Variants in TSPAN3 observed in about 807,000 individuals in gnomAD.
TSPAN3 encodes the protein tetraspanin 3.
A neutral mutation model predicts 31.1 loss-of-function variants in TSPAN3; 9 were observed. The ratio of observed to expected loss-of-function variants is 0.29; its 90% confidence interval spans 0.17 to 0.50. TSPAN3 has a LOEUF of 0.50. Among genes scored for constraint, TSPAN3 ranks in the 20% least tolerant of loss-of-function variants. TSPAN3 has a pLI of 0.98. For synonymous variants in TSPAN3, 129 were observed against 114.3 expected (o/e 1.13, Z -0.82); for missense variants, 252 against 313.5 (o/e 0.80, Z 1.48).
Position 77,046,560 on chromosome 15 carries a change from T to C in TSPAN3, c.*275A>G. On this transcript the variant is annotated 3_prime_UTR_variant, in exon 7 of 7. Transcript: ENST00000267970. The stretch of plus-strand genomic sequence containing the variant: ...AAGCAGGCTCGTGTCCTCCTTTAAT[T>C]CTACCACACTACATGACTCGCAATT... 1 of 475,484 alleles carries C rather than the reference T, an allele frequency of 2.1e-6. No homozygotes were observed. The highest frequency in any genetic ancestry group is 3.7e-6 in the Non-Finnish European group (1 of 269,996). The allele number at this position is 475,484 out of a possible 1,614,324, so 29.5% of individuals were successfully genotyped here. A position where few individuals can be genotyped will look rare whatever the true frequency, so the allele number is the denominator to read the frequency against.
intron 1 of TSPAN3, among the ~76,000 whole-genome samples, chr15:77,069,602 C>A (rs1486990417): frequency 6.6e-6 from 1 of 152,170 alleles, no homozygotes; most frequent in Non-Finnish European, 1.5e-5. Context: ...CACACAAACG[C>A]CCCGAAGGAC....
At position 77,052,804 on chromosome 15, in the gene TSPAN3, C is replaced by T; in HGVS notation, c.558G>A (p.Leu186=). 2 of 1,614,108 alleles carry T rather than the reference C, an allele frequency of 1.2e-6. No homozygotes were observed. The highest frequency in any genetic ancestry group is 1.7e-6 in the Non-Finnish European group (2 of 1,180,022). The stretch of plus-strand genomic sequence containing the variant: ...CAGCATAGAGGTCGGAAGGGTGGGC[C>T]AGGCTGCCATTACAATTGCTGGCAG... ...RETASNCNGS[L]AHPSDLYAEG... The change falls in exon 5 of 7, where the codon CTG becomes CTA. Residue 186 remains leucine, a synonymous_variant. Transcript: ENST00000267970.
chr15:77,050,738 A>G (rs1180485216), intron 6 of TSPAN3, among the ~76,000 whole-genome samples: 1 of 152,202 alleles, frequency 6.6e-6, no homozygotes, highest in Non-Finnish European at 1.5e-5. Context: ...TTTTAGCTAA[A>G]TGAATGTGTT....
In TSPAN3 at chr15:77,042,639, G is replaced by A. The variant is rs953335696; in HGVS notation, c.*4196C>T. On this transcript the variant is annotated 3_prime_UTR_variant, in exon 7 of 7. Coordinates refer to ENST00000267970, the MANE Select transcript of TSPAN3 (RefSeq NM_005724.6). ...AGTGGATATATGAAAATAAATGAAG[G>A]AGAAGGGAGGGATGACTGGCAAATG... The A allele has an allele frequency of 2.4e-4, 36 of 152,150 alleles. No individual in the cohort carries two copies. The highest frequency in any genetic ancestry group is 8.7e-4 in the African/African-American group (36 of 41,426). The allele number at this position is 152,150 out of a possible 1,614,324, so 9.4% of individuals were successfully genotyped here. A position where few individuals can be genotyped will look rare whatever the true frequency, so the allele number is the denominator to read the frequency against.
In TSPAN3 at chr15:77,053,451, C is replaced by CAAAACAAAA. The variant is rs2076745037; in HGVS notation, c.433-523_433-522insTTTTGTTTT. Among the ~76,000 whole-genome samples, 4 of 50,382 alleles carry CAAAACAAAA rather than the reference C, an allele frequency of 7.9e-5. No homozygotes were observed. In the East Asian group the frequency reaches 1.9e-3, roughly 24 times the overall value. The allele number at this position is 50,382 out of a possible 152,430, so 33.1% of individuals were successfully genotyped here. The stretch of plus-strand genomic sequence containing the variant: ...CAACAAGAGTGAAATTTCGCCATCT[C>CAAAACAAAA]AAAAAAAAAAAAAAAAAAAAAAAAA... On this transcript the variant is annotated intron_variant, in intron 4 of 6. Coordinates refer to ENST00000267970, the MANE Select transcript of TSPAN3 (RefSeq NM_005724.6).
rs1444556058 is a variant in TSPAN3 at position 77,054,193 on chromosome 15, A to C, written c.417T>G (p.Asp139Glu). The C allele has an allele frequency of 1.2e-6, 2 of 1,613,940 alleles. No individual in the cohort carries two copies. The highest frequency in any genetic ancestry group is 1.1e-5 in the South Asian group (1 of 91,068). Reference protein sequence around the residue: ...TNPDAASRAIDYVQRQLHCCG... With the variant: ...TNPDAASRAIEYVQRQLHCCG... ...GAAAGCTCACCTGTCTCTGTACATA[A>C]TCAATAGCCCGGCTAGCAGCATCAG... Residue 139 changes from aspartate (D) to glutamate (E), a missense_variant, in exon 4 of 7, where the codon GAT (aspartate) becomes GAG (glutamate). Asp to Glu is a conservative substitution (Grantham distance 45). Transcript: ENST00000267970.
intron 1 of TSPAN3, among the ~76,000 whole-genome samples, chr15:77,062,384 A>G: frequency 6.6e-6 from 1 of 152,216 alleles, no homozygotes; most frequent in East Asian, 1.9e-4. Flanking sequence ...TAAGTCCACT[A>G]CCTGAATATA....
chr15:77,046,661 G>T lies in TSPAN3; in HGVS notation c.*174C>A. ...AAGAGTCAGCTAGAACAAGGAAAAA[G>T]AAAGTCGCAGGTAGTAGGTAAGTAG... is the stretch of plus-strand genomic sequence containing the variant. On this transcript the variant is annotated 3_prime_UTR_variant, in exon 7 of 7. Transcript: ENST00000267970. 1.8e-6 allele frequency: 1 copy of T among 566,382 alleles called. No homozygotes were observed. 35.1% of individuals were successfully genotyped at this position (566,382 alleles called of 1,614,324 possible).
At chr15:77,059,992 A>G (rs986624012) in intron 1 of TSPAN3, among the ~76,000 whole-genome samples, 7 of 152,192 alleles carry the variant, frequency 4.6e-5, no homozygotes, top group African/African-American at 1.7e-4. Flanking sequence ...AAGCAGAAAA[A>G]CCAGCAACAG....
At chr15:77,050,102 A>T (rs2076720721) in intron 6 of TSPAN3, among the ~76,000 whole-genome samples, 1 of 152,238 alleles carries the variant, frequency 6.6e-6, no homozygotes, top group African/African-American at 2.4e-5. Flanking sequence ...TATTAGGATC[A>T]GTGTATAAGC....
chr15:77,055,925 G>T (rs1306031180), intron 2 of TSPAN3, 62 bp from the exon 3 acceptor site: 2 of 1,540,152 alleles, frequency 1.3e-6, no homozygotes, highest in East Asian at 2.2e-5. Flanking sequence ...ATACACTCTT[G>T]ATTTAAAAAA....
chr15:77,065,338 C>T (rs1035904902), intron 1 of TSPAN3, among the ~76,000 whole-genome samples: 1 of 152,132 alleles, frequency 6.6e-6, no homozygotes, highest in African/African-American at 2.4e-5. Context: ...AATATAAGCA[C>T]AAAGTAGGTG....
chr15:77,053,451 C>CAAAACAA (rs2076745037), intron 4 of TSPAN3, among the ~76,000 whole-genome samples: 1 of 50,378 alleles, frequency 2.0e-5, no homozygotes, highest in East Asian at 6.4e-4. Context: ...TTCGCCATCT[C>CAAAACAA]AAAAAAAAAA....
chr15:77,053,453 A>G (rs1180122998), intron 4 of TSPAN3, among the ~76,000 whole-genome samples: 16 of 40,042 alleles, frequency 4.0e-4, no homozygotes, highest in Non-Finnish European at 3.3e-4. Flanking sequence ...CGCCATCTCA[A>G]AAAAAAAAAA....
chr15:77,053,522 G>A (rs897865603), intron 4 of TSPAN3, among the ~76,000 whole-genome samples: 7 of 136,042 alleles, frequency 5.1e-5, no homozygotes, highest in Admixed American at 7.6e-5. Context: ...GCCTATAAGC[G>A]GTAGTTTCTA....
rs2076672659 is a variant in TSPAN3, at chr15:77,043,784, G to C, written c.*3051C>G. 1 of 152,250 alleles carries C rather than the reference G, an allele frequency of 6.6e-6. No individual in the cohort carries two copies. Among genetic ancestry groups the C allele is most frequent in the Non-Finnish European group, 1.5e-5 (1 of 68,066 alleles). The allele number at this position is 152,250 out of a possible 1,614,324, so 9.4% of individuals were successfully genotyped here. ...GTGGTGAGGTATTCTATCAGTGTTA[G>C]ATGGACGGAATTTGACAACTGTACT... On this transcript the variant is annotated 3_prime_UTR_variant, in exon 7 of 7. Coordinates refer to ENST00000267970, the MANE Select transcript of TSPAN3 (RefSeq NM_005724.6).
At chr15:77,051,514 G>C (rs2076730631) in intron 6 of TSPAN3, among the ~76,000 whole-genome samples, 2 of 145,880 alleles carry the variant, frequency 1.4e-5, no homozygotes, top group Admixed American at 7.0e-5. Flanking sequence ...GGCAACAAAA[G>C]CAAAACTCTG....
At chr15:77,051,873 T>C (rs749288669) in intron 6 of TSPAN3, among the ~76,000 whole-genome samples, 34 of 151,978 alleles carry the variant, frequency 2.2e-4, no homozygotes, top group Non-Finnish European at 2.4e-4. Flanking sequence ...TTAAAAGTTG[T>C]TGTGTTTAGT....
At chr15:77,061,254 G>A (rs1195097447) in intron 1 of TSPAN3, among the ~76,000 whole-genome samples, 1 of 152,180 alleles carries the variant, frequency 6.6e-6, no homozygotes, top group African/African-American at 2.4e-5. Flanking sequence ...TGGGCCAGGC[G>A]CAGTAGCTCA....
Sources: gnomAD v4.1 joint callset for allele counts (sites outside exome capture counted in the v4.1 genomes callset) on GRCh38, gnomAD v4.1.1 for gene constraint, MANE v1.5 for transcripts, NCBI Gene and HGNC (gene_info 2026-07-23, HGNC 2026-07-21) for gene names.